FHIP2A: variants seen among roughly 807,000 people sequenced by gnomAD.
FHIP2A encodes FHF complex subunit HOOK interacting protein 2A.
A neutral mutation model predicts 93.5 loss-of-function variants in FHIP2A; 46 were observed. The observed-to-expected ratio is 0.49, with a 90% CI of 0.39 to 0.63. The LOEUF is 0.63. FHIP2A is among the 20% of genes least tolerant of loss of function. FHIP2A has a pLI of 0.00. For missense variants in FHIP2A, 769 were observed against 909.7 expected, an observed-to-expected ratio of 0.85 and a Z score of 1.99; for synonymous variants, 332 against 326.5, an observed-to-expected ratio of 1.02 and a Z score of -0.18.
chr10:114,833,861 C>A (rs1179608827), intron 3 of FHIP2A, among the ~76,000 whole-genome samples: 1 of 152,096 alleles, frequency 6.6e-6, no homozygotes, highest in African/African-American at 2.4e-5. Flanking sequence ...ATTGTGATAT[C>A]AATAATATTT....
chr10:114,882,122 C>A (rs73367389), intron 16 of FHIP2A, among the ~76,000 whole-genome samples: 2,485 of 152,308 alleles, frequency 0.016, 78 homozygotes, highest in African/African-American at 0.057. Context: ...TGCTTACTCA[C>A]GGACAGAAGA....
At chr10:114,876,782 ACTT>A (rs1324168722) in intron 16 of FHIP2A, among the ~76,000 whole-genome samples, 3 of 151,836 alleles carry the variant, frequency 2.0e-5, no homozygotes, top group East Asian at 1.9e-4. Flanking sequence ...CTCTGGTGAG[ACTT>A]CTTCTCTGCT....
chr10:114,821,933 C>A lies in FHIP2A; in HGVS notation c.-146C>A. 1 of 380,872 alleles carries A rather than the reference C, an allele frequency of 2.6e-6. No homozygotes were observed. Among genetic ancestry groups the A allele is most frequent in the Non-Finnish European group, 4.5e-6 (1 of 224,668 alleles). The allele number at this position is 380,872 out of a possible 1,614,324, so 23.6% of individuals were successfully genotyped here. ...GCACACCTGAAGCGGCCGGGCCAGGCCCTGCCTCGATCCTCAGCTCGTCCT... is the reference window on the plus strand; with the variant it reads ...GCACACCTGAAGCGGCCGGGCCAGGACCTGCCTCGATCCTCAGCTCGTCCT... On this transcript the variant is annotated 5_prime_UTR_variant, in exon 1 of 17. Transcript: ENST00000369248.
intron 5 of FHIP2A, among the ~76,000 whole-genome samples, chr10:114,841,877 GTTC>G (rs2083670992): frequency 6.6e-6 from 1 of 152,116 alleles, no homozygotes; most frequent in Admixed American, 6.6e-5. Context: ...CTGCTCTTAT[GTTC>G]AAATGGAAAG....
intron 16 of FHIP2A, among the ~76,000 whole-genome samples, chr10:114,875,492 C>G (rs952291001): frequency 6.6e-6 from 1 of 151,910 alleles, no homozygotes; most frequent in Non-Finnish European, 1.5e-5. Flanking sequence ...GTCAGGAGTT[C>G]AAGATCAGCC....
intron 16 of FHIP2A, among the ~76,000 whole-genome samples, chr10:114,875,822 G>A (rs2083883212): frequency 7.5e-6 from 1 of 133,988 alleles, no homozygotes; most frequent in South Asian, 2.3e-4. Flanking sequence ...AAGGAAAGAA[G>A]GTAGGAAGGT....
At chr10:114,873,855 C>A (rs1365474623) in intron 16 of FHIP2A, among the ~76,000 whole-genome samples, 3 of 152,040 alleles carry the variant, frequency 2.0e-5, no homozygotes, top group Non-Finnish European at 4.4e-5. Flanking sequence ...CAGCTCATCT[C>A]ATATGTTTCC....
At position 114,877,921 on chromosome 10, in the gene FHIP2A, G is replaced by C. The variant is rs951284998; in HGVS notation, c.2192+16587G>C. Among the ~76,000 whole-genome samples the C allele has an allele frequency of 7.2e-5, 11 of 152,242 alleles. 2 individuals carry two copies. Among genetic ancestry groups the C allele is most frequent in the Admixed American group, 7.2e-4 (11 of 15,294 alleles). ...GGATAGCTAGGATTCTGAGAAAACT[G>C]AGACCAGAGAAGCAAAAATTTTTTA... is the stretch of plus-strand genomic sequence containing the variant. On this transcript the variant is annotated intron_variant, in intron 16 of 16. Transcript: ENST00000369250.
At chr10:114,843,605 A>G in intron 6 of FHIP2A, 136 bp from the exon 7 acceptor site, 1 of 720,864 alleles carries the variant, frequency 1.4e-6, no homozygotes, top group Non-Finnish European at 2.0e-6. Context: ...CAGTTGGCCA[A>G]TAATATGCAT....
chr10:114,868,009 A>T, downstream of FHIP2A, among the ~76,000 whole-genome samples: 1 of 149,538 alleles, frequency 6.7e-6, no homozygotes, highest in Admixed American at 6.7e-5. Context: ...TGGCACTATC[A>T]GCTCACTGCA....
chr10:114,896,102 C>A (rs900502023), intron 16 of FHIP2A, among the ~76,000 whole-genome samples: 4 of 152,034 alleles, frequency 2.6e-5, no homozygotes, highest in African/African-American at 9.7e-5. Context: ...TCCTAGTTAC[C>A]AAGGGGGAAA....
At chr10:114,847,358 T>C (rs1592020361) in intron 12 of FHIP2A, 125 bp downstream of exon 12, 1 of 766,478 alleles carries the variant, frequency 1.3e-6, no homozygotes, top group African/African-American at 1.8e-5. Flanking sequence ...GCACGATCTC[T>C]GCTCACTGCA....
At chr10:114,838,826 C>T (rs972996418) in intron 5 of FHIP2A, among the ~76,000 whole-genome samples, 52 of 152,322 alleles carry the variant, frequency 3.4e-4, no homozygotes, top group African/African-American at 1.2e-3. Context: ...GAATTAGTGA[C>T]ACATCTGCTT....
chr10:114,899,613 C>T (rs1299274853), exon 17 of FHIP2A: 2 of 702,308 alleles, frequency 2.8e-6, no homozygotes, highest in Non-Finnish European at 2.6e-6. Context: ...ATCAACTGCC[C>T]ACCCTTGAAC....
chr10:114,833,427 T>A, intron 3 of FHIP2A, 25 bp downstream of exon 3: 1 of 1,601,342 alleles, frequency 6.2e-7, no homozygotes, highest in Non-Finnish European at 8.6e-7. Context: ...CACACCATGT[T>A]CTTGGGCATT....
At chr10:114,885,678 C>A (rs2083939498) in intron 16 of FHIP2A, among the ~76,000 whole-genome samples, 1 of 152,224 alleles carries the variant, frequency 6.6e-6, no homozygotes, top group Admixed American at 6.5e-5. Flanking sequence ...TTCACCCCAC[C>A]TAATCAGTCC....
chr10:114,894,522 T>C (rs2083991377), intron 16 of FHIP2A, among the ~76,000 whole-genome samples: 1 of 152,222 alleles, frequency 6.6e-6, no homozygotes, highest in South Asian at 2.1e-4. Context: ...TGAGCGGTGA[T>C]TGTGCCACTG....
intron 13 of FHIP2A, among the ~76,000 whole-genome samples, chr10:114,853,711 G>T (rs1277943671): frequency 1.3e-5 from 2 of 152,164 alleles, no homozygotes; most frequent in African/African-American, 4.8e-5. Flanking sequence ...TAAAAATTGA[G>T]ATTTGGGCCA....
intron 5 of FHIP2A, among the ~76,000 whole-genome samples, chr10:114,839,091 A>C (rs997532141): frequency 6.6e-6 from 1 of 152,130 alleles, no homozygotes; most frequent in African/African-American, 2.4e-5. Flanking sequence ...AGTTAACACT[A>C]AATGAATGAA....
Sources: gnomAD v4.1 joint callset for allele counts (sites outside exome capture counted in the v4.1 genomes callset) on GRCh38, gnomAD v4.1.1 for gene constraint, MANE v1.5 for transcripts, NCBI Gene and HGNC (gene_info 2026-07-23, HGNC 2026-07-21) for gene names.